Variants in ZNF460 observed in about 807,000 individuals in gnomAD.
ZNF460 encodes zinc finger protein 460, also known as zinc finger protein 272.
A neutral mutation model predicts 8.4 loss-of-function variants in ZNF460; 1 was observed. The ratio of observed to expected loss-of-function variants is 0.12; its 90% CI spans 0.04 to 0.56. The LOEUF (loss-of-function observed/expected upper bound fraction) is 0.56, where lower values mean the gene tolerates loss of function less well. Ranked by LOEUF, ZNF460 falls within the 20% of genes least tolerant of loss-of-function variation. ZNF460 has a pLI of 0.91. For synonymous variants in ZNF460, 262 were observed against 259.9 expected (o/e 1.01, Z -0.08); for missense variants, 477 against 714.8 (o/e 0.67, Z 3.79).
chr19:57,292,226 T>C lies in ZNF460; in HGVS notation c.1685T>C (p.Leu562Ser), dbSNP rs768601382. Reference sequence around the variant, plus strand: ...TTCATAGTGGAAGAAACCCTACCATTGTAACAGATGTGGAAAGACTTTTTA... The same window carrying C: ...TTCATAGTGGAAGAAACCCTACCATCGTAACAGATGTGGAAAGACTTTTTA... ...NGFIVEETLP[L>S] The change falls in exon 3 of 3, where the codon TTG (leucine) becomes TCG (serine). Residue 562 changes from leucine (L) to serine (S), a missense_variant. Leu to Ser is a moderately radical substitution (Grantham distance 145). This residue lies in a region of ZNF460 where 83 missense variants were observed against 82.3 expected (regional missense o/e 1.01). Coordinates refer to ENST00000360338, the MANE Select transcript of ZNF460 (RefSeq NM_006635.4). 1 of 1,607,614 alleles carries C rather than the reference T, an allele frequency of 6.2e-7. No homozygotes were observed. The highest frequency in any genetic ancestry group is 8.5e-7 in the Non-Finnish European group (1 of 1,175,174).
At chr19:57,283,858 C>T (rs775202440) in intron 1 of ZNF460, among the ~76,000 whole-genome samples, 1 of 151,988 alleles carries the variant, frequency 6.6e-6, no homozygotes, top group Non-Finnish European at 1.5e-5. Context: ...AATGGAGGCT[C>T]GGCGAAATGA....
At chr19:57,288,340 A>G (rs2087893706) in intron 2 of ZNF460, among the ~76,000 whole-genome samples, 1 of 152,166 alleles carries the variant, frequency 6.6e-6, no homozygotes, top group African/African-American at 2.4e-5. Context: ...CTACAGGCTC[A>G]TGCTACAACG....
At position 57,284,531 on chromosome 19, in the gene ZNF460, G is replaced by T. The variant is rs939481034; in HGVS notation, c.31-20G>T. On this transcript the variant is annotated intron_variant, in intron 1 of 2. Transcript: ENST00000360338. ...CCACAGTTGCAAAGGAAACATTACT[G>T]GTTCTTTTTGACTTTTCAGGAGTCT... The T allele has an allele frequency of 2.5e-6, 4 of 1,608,186 alleles. No individual in the cohort carries two copies. Among genetic ancestry groups the T allele is most frequent in the Non-Finnish European group, 3.4e-6 (4 of 1,177,860 alleles).
At chr19:57,281,588 C>A (rs953283089) in intron 1 of ZNF460, among the ~76,000 whole-genome samples, 17 of 81,730 alleles carry the variant, frequency 2.1e-4, no homozygotes, top group African/African-American at 7.4e-4. Flanking sequence ...TTTTTTGAGA[C>A]GGAGTCTTGT....
intron 2 of ZNF460, among the ~76,000 whole-genome samples, chr19:57,285,743 C>T (rs188685133): frequency 1.2e-4 from 18 of 152,208 alleles, no homozygotes; most frequent in Admixed American, 4.6e-4. Context: ...CATGAAATGT[C>T]GAAGCGTGGA....
At position 57,291,099 on chromosome 19, in the gene ZNF460, T is replaced by C. The variant is rs955274586; in HGVS notation, c.558T>C (p.His186=). 1.2e-6 allele frequency: 2 copies of C among 1,614,226 alleles called. No individual in the cohort carries two copies. Among genetic ancestry groups the C allele is most frequent in the African/African-American group, 1.3e-5 (1 of 75,054 alleles). ...ATGAGAATTGCTTCCTTGTTCAGCA[T>C]GAGCAGATTCTCCCTCGTGTGAAGC... ...MFNENCFLVQ[H]EQILPRVKPY... Residue 186 remains histidine (H), a synonymous_variant, in exon 3 of 3, where the codon CAT becomes CAC. Transcript: ENST00000360338. The surrounding 1 kb of genome is among the most constrained non-coding windows in gnomAD (Gnocchi z 8.4).
rs1321432788 is a variant in ZNF460, at chr19:57,291,300, G to A, written c.759G>A (p.Val253=). 1 of 1,613,936 alleles carries A rather than the reference G, an allele frequency of 6.2e-7. No individual in the cohort carries two copies. The highest frequency in any genetic ancestry group is 2.2e-5 in the East Asian group (1 of 44,854). The change falls in exon 3 of 3, where the codon GTG becomes GTA. Residue 253 remains valine, a synonymous_variant. Transcript: ENST00000360338. The surrounding 1 kb of genome is among the most constrained non-coding windows in gnomAD (Gnocchi z 8.4). ...QRTHNGDKPF[V]CSECGRTFNR... ...CTCACAATGGAGATAAGCCCTTTGTGTGCAGTGAATGTGGAAGGACCTTCA... is the reference window on the plus strand; with the variant it reads ...CTCACAATGGAGATAAGCCCTTTGTATGCAGTGAATGTGGAAGGACCTTCA...
At chr19:57,289,867 G>A (rs947136908) in intron 2 of ZNF460, among the ~76,000 whole-genome samples, 17 of 152,008 alleles carry the variant, frequency 1.1e-4, no homozygotes, top group African/African-American at 3.6e-4. Flanking sequence ...TTAGCCAGGC[G>A]GGGTGGCTCA....
Position 57,284,693 on chromosome 19 carries a change from T to C in ZNF460, c.157+16T>C. 2 of 1,567,136 alleles carry C rather than the reference T, an allele frequency of 1.3e-6. No individual in the cohort carries two copies. Among genetic ancestry groups the C allele is most frequent in the Non-Finnish European group, 1.7e-6 (2 of 1,158,822 alleles). On this transcript the variant is annotated intron_variant, in intron 2 of 2. Coordinates refer to ENST00000360338, the MANE Select transcript of ZNF460 (RefSeq NM_006635.4). ...GTCGCACTGGGTAAGGCCTGTCCTC[T>C]CCTCTCCAAAATCAGGGGCACCAGA... is the stretch of plus-strand genomic sequence containing the variant.
rs1264051849 is a variant in ZNF460 at position 57,292,778 on chromosome 19, C to CA, written c.*551dup. The CA allele has an allele frequency of 6.5e-6, 1 of 153,038 alleles. No homozygotes were observed. Among genetic ancestry groups the CA allele is most frequent in the African/African-American group, 2.4e-5 (1 of 41,442 alleles). The allele number at this position is 153,038 out of a possible 1,614,324, so 9.5% of individuals were successfully genotyped here. The stretch of plus-strand genomic sequence containing the variant: ...ATTCACTGCTGTCCAGTGCTGTAGA[C>CA]AAACGGTTTGTTTGAAAACATTTTG... On this transcript the variant is annotated 3_prime_UTR_variant, in exon 3 of 3. Coordinates refer to ENST00000360338, the MANE Select transcript of ZNF460 (RefSeq NM_006635.4).
chr19:57,284,411 G>A (rs909344686), intron 1 of ZNF460, 140 bp from the exon 2 acceptor site: 27 of 1,042,562 alleles, frequency 2.6e-5, no homozygotes, highest in Non-Finnish European at 3.3e-5. Flanking sequence ...CTTGATCCTA[G>A]CACAGATCTT....
chr19:57,286,978 A>T (rs1487954510), intron 2 of ZNF460, among the ~76,000 whole-genome samples: 3 of 151,996 alleles, frequency 2.0e-5, no homozygotes, highest in African/African-American at 7.2e-5. Context: ...AAAAAAAAAA[A>T]AAAAGTCCAC....
chr19:57,284,773 T>G (rs1600023885), intron 2 of ZNF460, 96 bp downstream of exon 2: 2 of 1,336,414 alleles, frequency 1.5e-6, no homozygotes, highest in Non-Finnish European at 2.0e-6. Flanking sequence ...GTGGAATAGG[T>G]CTTGGGAGCC....
At position 57,291,727 on chromosome 19, in the gene ZNF460, G is replaced by A. The variant is rs777360307; in HGVS notation, c.1186G>A (p.Glu396Lys). 1 of 1,614,168 alleles carries A rather than the reference G, an allele frequency of 6.2e-7. No homozygotes were observed. Reference protein sequence around the residue: ...HTGEKPFECKECGKAFSIRKD... With the variant: ...HTGEKPFECKKCGKAFSIRKD... ...TGGAGAAAAGCCTTTTGAGTGCAAAGAATGTGGGAAAGCCTTTAGCATTCG... is the reference window on the plus strand; with the variant it reads ...TGGAGAAAAGCCTTTTGAGTGCAAAAAATGTGGGAAAGCCTTTAGCATTCG... The change falls in exon 3 of 3, where the codon GAA (glutamate) becomes AAA (lysine). Residue 396 changes from glutamate (E) to lysine (K), a missense_variant. Glu to Lys is a moderately conservative substitution (Grantham distance 56, BLOSUM62 1). This residue lies in a region of ZNF460 where 193 missense variants were observed against 391.7 expected (regional missense o/e 0.49). Coordinates refer to ENST00000360338, the MANE Select transcript of ZNF460 (RefSeq NM_006635.4). This position sits in a 1 kb window ranked among gnomAD's most constrained non-coding sequence, Gnocchi z 8.4.
At chr19:57,287,200 CTG>C in intron 2 of ZNF460, among the ~76,000 whole-genome samples, 1 of 152,124 alleles carries the variant, frequency 6.6e-6, no homozygotes, top group Non-Finnish European at 1.5e-5. Context: ...ATCATCATGT[CTG>C]TGTTATTCTT....
rs2122899515 is a variant in ZNF460, at chr19:57,292,691, TG to T, written c.*464del. 6.2e-6 allele frequency: 1 copy of T among 160,810 alleles called. No homozygotes were observed. The highest frequency in any genetic ancestry group is 2.4e-5 in the African/African-American group (1 of 41,630). The allele number at this position is 160,810 out of a possible 1,614,324, so 10.0% of individuals were successfully genotyped here. On this transcript the variant is annotated 3_prime_UTR_variant, in exon 3 of 3. Transcript: ENST00000360338. ...TTTGTCATCCCCTCCTTATTTTATT[TG>T]GGAGAGGGAAATGTTTCAGAAACAA...
rs201704950 is a variant in ZNF460, at chr19:57,284,220, T to A, written c.31-331T>A. On this transcript the variant is annotated intron_variant, in intron 1 of 2. Coordinates refer to ENST00000360338, the MANE Select transcript of ZNF460 (RefSeq NM_006635.4). ...TATTTATTTATTTATTTATTTATTT[T>A]TTATTTATTTATTTATTTTTTTTTG... Among the ~76,000 whole-genome samples, 84 of 134,984 alleles carry A rather than the reference T, an allele frequency of 6.2e-4. No individual in the cohort carries two copies. In the East Asian group the frequency reaches 0.019, roughly 30 times the overall value. 88.6% of individuals were successfully genotyped at this position (134,984 alleles called of 152,430 possible).
chr19:57,283,360 G>C (rs2087854614), intron 1 of ZNF460, among the ~76,000 whole-genome samples: 1 of 151,382 alleles, frequency 6.6e-6, no homozygotes, highest in Non-Finnish European at 1.5e-5. Context: ...AGTAGAGATG[G>C]GGTTTCACCT....
At chr19:57,283,911 A>T (rs535803299) in intron 1 of ZNF460, among the ~76,000 whole-genome samples, 1 of 152,184 alleles carries the variant, frequency 6.6e-6, no homozygotes, top group African/African-American at 2.4e-5. Context: ...CGTTGATTTC[A>T]GGAATTTGGT....
Sources: allele counts gnomAD v4.1 joint callset (sites outside exome capture counted in the v4.1 genomes callset), GRCh38; gene constraint gnomAD v4.1.1; regional missense constraint gnomAD v4.1.1; non-coding constraint Gnocchi (gnomAD v3.1); transcripts MANE v1.5; gene names NCBI Gene and HGNC (gene_info 2026-07-23, HGNC 2026-07-21).